LMNB1: variants seen among roughly 807,000 people sequenced by gnomAD.
The protein encoded by LMNB1 is lamin B1, also known as lamin-B1.
Under a neutral mutation model 67.1 loss-of-function variants are expected in LMNB1, and 23 were observed. The ratio of observed to expected loss-of-function variants is 0.34; its 90% CI spans 0.25 to 0.49. The LOEUF is 0.49. Among genes scored for constraint, LMNB1 ranks in the 20% least tolerant of loss-of-function variants. LMNB1 has a pLI of 0.99. For synonymous variants in LMNB1, 281 were observed against 282.9 expected, an observed-to-expected ratio of 0.99 and a Z score of 0.07; for missense variants, 634 against 746.5, an observed-to-expected ratio of 0.85 and a Z score of 1.76.
At chr5:126,786,268 G>T (rs1363785671) in intron 1 of LMNB1, among the ~76,000 whole-genome samples, 1 of 151,386 alleles carries the variant, frequency 6.6e-6, no homozygotes, top group Admixed American at 6.6e-5. Flanking sequence ...GACTACAGGT[G>T]CCCGCCACTA....
In LMNB1 at chr5:126,811,911, C is replaced by A; in HGVS notation, c.939+13C>A. ...TCTACAGAAAGAGGTAAATAATCAT[C>A]TTTCTGTAAGAAGTTAGACTTGAAG... On this transcript the variant is annotated intron_variant, in intron 5 of 10. Coordinates refer to ENST00000261366, the MANE Select transcript of LMNB1 (RefSeq NM_005573.4). 4.4e-6 allele frequency: 7 copies of A among 1,603,272 alleles called. No homozygotes were observed. Among genetic ancestry groups the A allele is most frequent in the Non-Finnish European group, 5.1e-6 (6 of 1,171,324 alleles).
rs530609834 is a variant in LMNB1 at position 126,818,430 on chromosome 5, C to T, written c.940-492C>T. 1.7e-4 allele frequency among the ~76,000 whole-genome samples: 26 copies of T among 152,038 alleles called. No individual in the cohort carries two copies. The South Asian group carries it at 2.5e-3, about 15-fold the overall frequency. On this transcript the variant is annotated intron_variant, in intron 5 of 10. Coordinates refer to ENST00000261366, the MANE Select transcript of LMNB1 (RefSeq NM_005573.4). Reference sequence around the variant, plus strand: ...ATTTTTTTTGTATTTTTAGTAGAGACGGGGTTTCGCCATGTTAGTCAGGCT... The same window carrying T: ...ATTTTTTTTGTATTTTTAGTAGAGATGGGGTTTCGCCATGTTAGTCAGGCT...
At chr5:126,796,636 T>C (rs1200504588) in intron 1 of LMNB1, among the ~76,000 whole-genome samples, 3 of 152,212 alleles carry the variant, frequency 2.0e-5, no homozygotes, top group Non-Finnish European at 2.9e-5. Flanking sequence ...GATAGGCATG[T>C]GTCCCAGATA....
chr5:126,792,358 G>A (rs986285087), intron 1 of LMNB1, among the ~76,000 whole-genome samples: 1 of 151,566 alleles, frequency 6.6e-6, no homozygotes, highest in African/African-American at 2.4e-5. Flanking sequence ...GACCAGGCTC[G>A]TCTTAAACTC....
At chr5:126,820,144 C>CA (rs1407122374) in intron 6 of LMNB1, among the ~76,000 whole-genome samples, 5 of 145,640 alleles carry the variant, frequency 3.4e-5, no homozygotes, top group Non-Finnish European at 6.0e-5. Context: ...CTCTGTCTCA[C>CA]AAAAAAAAGA....
intron 5 of LMNB1, among the ~76,000 whole-genome samples, chr5:126,817,670 A>G (rs1011506459): frequency 6.6e-6 from 1 of 152,204 alleles, no homozygotes; most frequent in African/African-American, 2.4e-5. Context: ...GCCCCAGTAT[A>G]TGTTAAAGCA....
At chr5:126,785,804 A>G (rs1032596913) in intron 1 of LMNB1, among the ~76,000 whole-genome samples, 2 of 151,920 alleles carry the variant, frequency 1.3e-5, no homozygotes, top group African/African-American at 4.8e-5. Context: ...ACCTGAGGTC[A>G]GCAGTTCGAG....
chr5:126,804,746 G>A (rs1465938204), intron 1 of LMNB1, 30 bp from the exon 2 acceptor site: 2 of 1,604,054 alleles, frequency 1.2e-6, no homozygotes, highest in Non-Finnish European at 1.7e-6. Context: ...AGTATGGTTT[G>A]ATGTCTTATG....
At chr5:126,823,548 G>A (rs1751920596) in intron 8 of LMNB1, among the ~76,000 whole-genome samples, 1 of 152,148 alleles carries the variant, frequency 6.6e-6, no homozygotes, top group Non-Finnish European at 1.5e-5. Context: ...AATAAAATAT[G>A]TTAACTTTGA....
chr5:126,787,546 A>ATATATATATATTTTTTTTTTTTTTT, intron 1 of LMNB1, among the ~76,000 whole-genome samples: 5 of 65,578 alleles, frequency 7.6e-5, no homozygotes, highest in Admixed American at 2.2e-4. Flanking sequence ...ATATATATAT[A>ATATATATATATTTTTTTTTTTTTTT]TTTTTTTTTT....
intron 5 of LMNB1, among the ~76,000 whole-genome samples, chr5:126,815,740 AAGG>A (rs949592018): frequency 6.6e-6 from 1 of 152,172 alleles, no homozygotes; most frequent in African/African-American, 2.4e-5. Flanking sequence ...CAGAATTAGA[AAGG>A]AGAATCTAGG....
chr5:126,787,546 A>ATTTTTTTTTTTTTTTTT (rs142332901), intron 1 of LMNB1, among the ~76,000 whole-genome samples: 2 of 65,574 alleles, frequency 3.0e-5, no homozygotes, highest in African/African-American at 6.6e-5. Flanking sequence ...ATATATATAT[A>ATTTTTTTTTTTTTTTTT]TTTTTTTTTT....
chr5:126,804,667 G>T, intron 1 of LMNB1, 109 bp from the exon 2 acceptor site: 2 of 967,018 alleles, frequency 2.1e-6, no homozygotes, highest in East Asian at 2.7e-5. Flanking sequence ...GATAGGTGAT[G>T]GGAGCCTTTA....
rs952418220 is a variant in LMNB1, at chr5:126,825,845, C to T, written c.1492-143C>T. 6 of 1,075,390 alleles carry T rather than the reference C, an allele frequency of 5.6e-6. No homozygotes were observed. In the Admixed American group the frequency reaches 6.7e-5, roughly 12 times the overall value. The allele number at this position is 1,075,390 out of a possible 1,614,324, so 66.6% of individuals were successfully genotyped here. A position where few individuals can be genotyped will look rare whatever the true frequency, so the allele number is the denominator to read the frequency against. On this transcript the variant is annotated intron_variant, in intron 8 of 10. Transcript: ENST00000261366. ...GAGAAGCTCTGTGAGTTCTCCTGGC[C>T]ACATAGCTGTGTATAGCACTCTGTA...
chr5:126,822,900 T>G lies in LMNB1; in HGVS notation c.1491+15T>G, dbSNP rs1751904627. The G allele has an allele frequency of 6.8e-7, 1 of 1,469,666 alleles. No individual in the cohort carries two copies. Among genetic ancestry groups the G allele is most frequent in the Non-Finnish European group, 9.5e-7 (1 of 1,051,430 alleles). The allele number at this position is 1,469,666 out of a possible 1,614,324, so 91.0% of individuals were successfully genotyped here. The stretch of plus-strand genomic sequence containing the variant: ...AGACTGTTACAGTAAGTGAATCTAG[T>G]CATCATTTAATTTAACTTCATTGTG... On this transcript the variant is annotated intron_variant, in intron 8 of 10. Coordinates refer to ENST00000261366, the MANE Select transcript of LMNB1 (RefSeq NM_005573.4).
chr5:126,827,771 A>C (rs552699020), intron 9 of LMNB1, among the ~76,000 whole-genome samples: 2 of 152,372 alleles, frequency 1.3e-5, no homozygotes, highest in South Asian at 4.1e-4. Context: ...CAGCCAGTGA[A>C]GTCAGAGGAA....
intron 9 of LMNB1, among the ~76,000 whole-genome samples, chr5:126,830,809 A>G (rs1561755696): frequency 6.6e-6 from 1 of 152,134 alleles, no homozygotes; most frequent in Non-Finnish European, 1.5e-5. Context: ...AAAGCTGGGT[A>G]CTCTCAAAGT....
At chr5:126,787,510 G>A (rs566738540) in intron 1 of LMNB1, among the ~76,000 whole-genome samples, 71 of 100,806 alleles carry the variant, frequency 7.0e-4, no homozygotes, top group African/African-American at 2.4e-3. Context: ...TATATATAAC[G>A]TGTGTGTGTG....
intron 3 of LMNB1, among the ~76,000 whole-genome samples, chr5:126,809,222 A>C (rs1428778740): frequency 2.0e-5 from 3 of 152,252 alleles, no homozygotes; most frequent in African/African-American, 7.2e-5. Context: ...GAGTAAAGGA[A>C]AGGATCATGA....
Sources: gnomAD v4.1 joint callset for allele counts (sites outside exome capture counted in the v4.1 genomes callset) on GRCh38, gnomAD v4.1.1 for gene constraint, MANE v1.5 for transcripts, NCBI Gene and HGNC (gene_info 2026-07-23, HGNC 2026-07-21) for gene names.